The following CENPW variants were observed in gnomAD, a reference collection of about 807,000 sequenced individuals.
CENPW encodes cancer-up-regulated gene 2 protein.
Under a neutral mutation model 11.1 loss-of-function variants are expected in CENPW, and 3 were observed. That is an observed-to-expected ratio of 0.27 (90% CI 0.12 to 0.70). CENPW has a LOEUF of 0.70. Among genes scored for constraint, CENPW ranks in the 30% least tolerant of loss-of-function variants. The pLI, the probability that CENPW is intolerant of heterozygous loss-of-function variation, is 0.77. For missense variants in CENPW, 100 were observed against 105.6 expected (o/e 0.95, Z 0.23); for synonymous variants, 38 against 42.0 (o/e 0.91, Z 0.37).
the CENPW span, among the ~76,000 whole-genome samples, chr6:126,360,355 A>G: frequency 6.6e-6 from 1 of 151,818 alleles, no homozygotes; most frequent in East Asian, 1.9e-4. Flanking sequence ...TGTGTTTAAG[A>G]TTTTTTTCTT....
the CENPW span, among the ~76,000 whole-genome samples, chr6:126,408,945 T>C: frequency 6.6e-6 from 1 of 152,048 alleles, no homozygotes; most frequent in South Asian, 2.1e-4. Flanking sequence ...TTTTTTTTAG[T>C]TTTATTTTAT....
chr6:126,400,476 G>A, the CENPW span, among the ~76,000 whole-genome samples: 6 of 151,904 alleles, frequency 3.9e-5, no homozygotes, highest in African/African-American at 1.4e-4. Context: ...ATATACATCT[G>A]TGTTTCTTGT....
chr6:126,445,437 T>C, the CENPW span, among the ~76,000 whole-genome samples: 1,188 of 151,338 alleles, frequency 7.8e-3, 13 homozygotes, highest in African/African-American at 0.027. Flanking sequence ...AGTAATCGGT[T>C]TATTCTTAAT....
chr6:126,365,657 A>T, the CENPW span, among the ~76,000 whole-genome samples: 1 of 152,164 alleles, frequency 6.6e-6, no homozygotes, highest in African/African-American at 2.4e-5. Context: ...AGCAACCACT[A>T]TTAGGATATG....
the CENPW span, among the ~76,000 whole-genome samples, chr6:126,364,090 T>G: frequency 6.6e-6 from 1 of 152,220 alleles, no homozygotes; most frequent in Non-Finnish European, 1.5e-5. Flanking sequence ...AGTGAAAATG[T>G]ACTCTAGGCT....
At chr6:126,420,083 A>G in the CENPW span, among the ~76,000 whole-genome samples, 1 of 152,174 alleles carries the variant, frequency 6.6e-6, no homozygotes, top group Non-Finnish European at 1.5e-5. Context: ...CTGACTTGCT[A>G]TTTTAGGTGG....
the CENPW span, among the ~76,000 whole-genome samples, chr6:126,370,697 T>C: frequency 6.6e-6 from 1 of 152,132 alleles, no homozygotes; most frequent in Non-Finnish European, 1.5e-5. Context: ...TATACGATCA[T>C]ATCATCAGCA....
At chr6:126,382,291 C>G in the CENPW span, among the ~76,000 whole-genome samples, 1 of 151,632 alleles carries the variant, frequency 6.6e-6, no homozygotes, top group Non-Finnish European at 1.5e-5. Flanking sequence ...TAAAAAATAT[C>G]TAAAGGACAG....
chr6:126,386,826 T>C, the CENPW span, among the ~76,000 whole-genome samples: 4 of 152,010 alleles, frequency 2.6e-5, no homozygotes, highest in African/African-American at 9.7e-5. Flanking sequence ...AAATATATTT[T>C]ATCTTGATAA....
At chr6:126,394,413 G>A in the CENPW span, among the ~76,000 whole-genome samples, 1 of 151,724 alleles carries the variant, frequency 6.6e-6, no homozygotes, top group African/African-American at 2.4e-5. Context: ...ACAACTAACT[G>A]GCAAAAAGAA....
chr6:126,472,451 A>G, the CENPW span, among the ~76,000 whole-genome samples: 1 of 152,194 alleles, frequency 6.6e-6, no homozygotes, highest in Non-Finnish European at 1.5e-5. Flanking sequence ...ACTCTGCATA[A>G]TGAATTGTGA....
At chr6:126,420,272 G>A in the CENPW span, among the ~76,000 whole-genome samples, 1 of 152,116 alleles carries the variant, frequency 6.6e-6, no homozygotes, top group Non-Finnish European at 1.5e-5. Flanking sequence ...TAAGAGCTAA[G>A]TGGTACAAGT....
the CENPW span, among the ~76,000 whole-genome samples, chr6:126,454,722 CA>C: frequency 1.3e-5 from 2 of 151,038 alleles, no homozygotes; most frequent in African/African-American, 4.8e-5. Flanking sequence ...CAATCAGAAT[CA>C]GAGCTAAACT....
chr6:126,459,922 T>C, the CENPW span, among the ~76,000 whole-genome samples: 1 of 151,516 alleles, frequency 6.6e-6, no homozygotes, highest in Non-Finnish European at 1.5e-5. Context: ...TTTCTTCCTT[T>C]TTTTTTTAAG....
At chr6:126,394,041 T>C in the CENPW span, among the ~76,000 whole-genome samples, 1 of 152,000 alleles carries the variant, frequency 6.6e-6, no homozygotes, top group African/African-American at 2.4e-5. Context: ...GAAGTATGTT[T>C]GTTGTAGGCA....
the CENPW span, among the ~76,000 whole-genome samples, chr6:126,359,384 G>A: frequency 1.3e-5 from 2 of 151,922 alleles, no homozygotes; most frequent in Admixed American, 6.6e-5. Context: ...CAGATGAGAA[G>A]AATGTATATG....
At chr6:126,353,651 C>T (rs780924438), downstream of CENPW, among the ~76,000 whole-genome samples, 23 of 151,860 alleles carry the variant, frequency 1.5e-4, no homozygotes, top group Non-Finnish European at 3.1e-4. Context: ...AGATTCTTGG[C>T]CATTCTCTTT....
chr6:126,433,236 G>C, the CENPW span, among the ~76,000 whole-genome samples: 1 of 152,016 alleles, frequency 6.6e-6, no homozygotes, highest in African/African-American at 2.4e-5. Context: ...TAGTTTTTAA[G>C]ATTCTAGAAA....
the CENPW span, among the ~76,000 whole-genome samples, chr6:126,440,396 T>C: frequency 6.6e-6 from 1 of 151,782 alleles, no homozygotes; most frequent in African/African-American, 2.4e-5. Flanking sequence ...CAAGTGCCAC[T>C]AGGAGTTATT....
Sources: gnomAD v4.1 joint callset for allele counts (sites outside exome capture counted in the v4.1 genomes callset) on GRCh38, gnomAD v4.1.1 for gene constraint, MANE v1.5 for transcripts, NCBI Gene and HGNC (gene_info 2026-07-23, HGNC 2026-07-21) for gene names.